Variants in UPP2 observed in about 807,000 individuals in gnomAD.
UPP2 encodes UPase 2.
UPP2 carries 23 observed loss-of-function variants against 26.7 expected under a neutral mutation model. The ratio of observed to expected loss-of-function variants is 0.86; its 90% CI spans 0.62 to 1.22. The LOEUF (loss-of-function observed/expected upper bound fraction) is 1.22, where lower values mean the gene tolerates loss of function less well. Among genes scored for constraint, UPP2 ranks in the 50% most tolerant of loss-of-function variants. The probability of loss-of-function intolerance (pLI) is 0.00; values close to 1 mark genes in which losing one functional copy is unlikely to be tolerated. For synonymous variants in UPP2, 127 were observed against 141.3 expected (o/e 0.90, Z 0.72); for missense variants, 387 against 396.7 (o/e 0.98, Z 0.21).
At position 158,135,329 on chromosome 2, in the gene UPP2, G is replaced by GA. The variant is rs1683910738; in HGVS notation, c.*445dup. ...ATCATCCATATTCAAAATATTTACA[G>GA]AAAAAAGTGTCAGTGAAATGTAGGT... On this transcript the variant is annotated 3_prime_UTR_variant, in exon 7 of 7. Transcript: ENST00000005756. 6.5e-6 allele frequency: 1 copy of GA among 153,174 alleles called. No individual in the cohort carries two copies. The highest frequency in any genetic ancestry group is 1.5e-5 in the Non-Finnish European group (1 of 68,518). The allele number at this position is 153,174 out of a possible 1,614,324, so 9.5% of individuals were successfully genotyped here.
intron 3 of UPP2, among the ~76,000 whole-genome samples, chr2:158,094,773 T>C (rs1415077837): frequency 2.0e-5 from 3 of 152,160 alleles, no homozygotes; most frequent in Non-Finnish European, 2.9e-5. Context: ...GCAGCAGTAA[T>C]AATCTGTGGT....
intron 5 of UPP2, among the ~76,000 whole-genome samples, chr2:158,123,009 T>C (rs891410086): frequency 5.3e-5 from 8 of 152,170 alleles, no homozygotes; most frequent in Admixed American, 3.3e-4. Context: ...GTGAAAATAA[T>C]GGATGGCAAC....
chr2:158,007,041 T>C (rs1236461674), intron 2 of UPP2, among the ~76,000 whole-genome samples: 1 of 152,178 alleles, frequency 6.6e-6, no homozygotes, highest in Non-Finnish European at 1.5e-5. Flanking sequence ...CTCTGTGAGG[T>C]ACCCATTTGT....
At chr2:158,017,592 A>C (rs1027088759) in intron 3 of UPP2, among the ~76,000 whole-genome samples, 1 of 152,196 alleles carries the variant, frequency 6.6e-6, no homozygotes, top group African/African-American at 2.4e-5. Context: ...TAGAAACATA[A>C]AGTCAAATCT....
At chr2:158,007,357 C>A (rs947383579) in intron 2 of UPP2, among the ~76,000 whole-genome samples, 3 of 152,222 alleles carry the variant, frequency 2.0e-5, no homozygotes, top group Non-Finnish European at 4.4e-5. Context: ...TCTTTCCACT[C>A]TGACTTCAGT....
chr2:158,070,644 T>G (rs1022391803), intron 3 of UPP2, among the ~76,000 whole-genome samples: 1 of 152,176 alleles, frequency 6.6e-6, no homozygotes. Flanking sequence ...CTCCACTGAC[T>G]GCCCCCAAAG....
At chr2:158,108,248 C>T (rs1683235850) in intron 2 of UPP2, among the ~76,000 whole-genome samples, 1 of 151,952 alleles carries the variant, frequency 6.6e-6, no homozygotes, top group Non-Finnish European at 1.5e-5. Context: ...ACATTCAGTC[C>T]CCACAGCAAC....
chr2:158,017,791 C>T (rs1161502833), intron 3 of UPP2, among the ~76,000 whole-genome samples: 2 of 152,146 alleles, frequency 1.3e-5, no homozygotes, highest in Non-Finnish European at 1.5e-5. Context: ...TACTTATGGC[C>T]AAAATTTCAC....
chr2:158,050,963 G>A (rs1303046350), intron 3 of UPP2, among the ~76,000 whole-genome samples: 3 of 152,028 alleles, frequency 2.0e-5, no homozygotes, highest in Admixed American at 6.6e-5. Context: ...TGAGGGCATG[G>A]ATACACCATT....
rs1255445345 is a variant in UPP2, at chr2:158,082,432, C to A, written c.148-19608C>A. 2.0e-5 allele frequency among the ~76,000 whole-genome samples: 3 copies of A among 152,162 alleles called. No individual in the cohort carries two copies. In the East Asian group the frequency reaches 5.8e-4, roughly 29 times the overall value. Reference sequence around the variant, plus strand: ...TTGCATCCTTATAGCTTAGCTTCCACTTATGAATGAGAATATACAATGTGT... The same window carrying A: ...TTGCATCCTTATAGCTTAGCTTCCAATTATGAATGAGAATATACAATGTGT... On this transcript the variant is annotated intron_variant, in intron 3 of 9. Coordinates refer to the UPP2 transcript ENST00000605860.
chr2:158,118,982 T>A (rs1683501438), intron 4 of UPP2, among the ~76,000 whole-genome samples: 1 of 151,982 alleles, frequency 6.6e-6, no homozygotes. Context: ...TGGATGTTCA[T>A]CCATAGAGAG....
intron 3 of UPP2, among the ~76,000 whole-genome samples, chr2:158,037,597 C>G (rs1052407296): frequency 6.6e-6 from 1 of 152,016 alleles, no homozygotes; most frequent in African/African-American, 2.4e-5. Flanking sequence ...TGGTCATGGC[C>G]AGCAGTCACA....
chr2:158,017,556 G>C (rs567349763), intron 3 of UPP2, among the ~76,000 whole-genome samples: 28 of 152,242 alleles, frequency 1.8e-4, no homozygotes, highest in African/African-American at 6.5e-4. Flanking sequence ...TTGAAACAAG[G>C]ATTCAAAAGT....
At chr2:158,131,411 A>C (rs1683817299) in intron 6 of UPP2, among the ~76,000 whole-genome samples, 1 of 152,112 alleles carries the variant, frequency 6.6e-6, no homozygotes. Flanking sequence ...ATTCCTAAGG[A>C]TTCATGAGTG....
rs146063120 is a variant in UPP2, at chr2:158,121,412, T to C, written c.458T>C (p.Ile153Thr). The change falls in exon 5 of 7, where the codon ATT becomes ACT. Residue 153 changes from isoleucine to threonine, a missense_variant. By Grantham distance (89) the Ile-to-Thr change is moderately conservative. Transcript: ENST00000005756. ...IRIGTSGGIG[I>T]APGTVVITDI... ...ATCATTTATTCCCACATTGCAGGGATTGCACCAGGGACTGTTGTAATAACG... is the reference window on the plus strand; with the variant it reads ...ATCATTTATTCCCACATTGCAGGGACTGCACCAGGGACTGTTGTAATAACG... The C allele has an allele frequency of 6.2e-6, 10 of 1,611,528 alleles. No homozygotes were observed. In the African/African-American group the frequency reaches 1.3e-4, roughly 22 times the overall value.
At chr2:158,064,287 T>C (rs1019389453) in intron 3 of UPP2, among the ~76,000 whole-genome samples, 3 of 152,240 alleles carry the variant, frequency 2.0e-5, no homozygotes, top group African/African-American at 7.2e-5. Context: ...TGATCGCCAT[T>C]CTAACTGGTG....
chr2:158,070,055 T>G (rs1423423164), intron 3 of UPP2, among the ~76,000 whole-genome samples: 1 of 152,122 alleles, frequency 6.6e-6, no homozygotes, highest in African/African-American at 2.4e-5. Context: ...TGCAGGGAGC[T>G]TTTTCTTGGG....
chr2:158,119,328 T>C (rs562139866), intron 4 of UPP2, among the ~76,000 whole-genome samples: 1 of 152,192 alleles, frequency 6.6e-6, no homozygotes, highest in Admixed American at 6.5e-5. Flanking sequence ...TGAAGGCCCA[T>C]GGATGGTGGC....
intron 3 of UPP2, among the ~76,000 whole-genome samples, chr2:158,085,315 G>A (rs369994671): frequency 6.6e-6 from 1 of 152,130 alleles, no homozygotes; most frequent in South Asian, 2.1e-4. Context: ...TGCTGTTGGT[G>A]TATAGCAAAG....
Sources: allele counts gnomAD v4.1 joint callset (sites outside exome capture counted in the v4.1 genomes callset), GRCh38; gene constraint gnomAD v4.1.1; transcripts MANE v1.5; gene names NCBI Gene and HGNC (gene_info 2026-07-23, HGNC 2026-07-21).